XIRP2: variants seen among roughly 807,000 people sequenced by gnomAD.
The protein encoded by XIRP2 is xin actin binding repeat containing 2.
In XIRP2, 236 loss-of-function variants were observed where a neutral mutation model predicts 277.0. The ratio of observed to expected loss-of-function variants is 0.85; its 90% CI spans 0.77 to 0.95. XIRP2 has a LOEUF of 0.95. Ranked by LOEUF, XIRP2 falls within the 40% of genes least tolerant of loss-of-function variation. The pLI is 0.00. For missense variants in XIRP2, 4,640 were observed against 4,157.5 expected (o/e 1.12, Z -3.19); for synonymous variants, 1,490 against 1,416.5 (o/e 1.05, Z -1.17).
intron 2 of XIRP2, among the ~76,000 whole-genome samples, chr2:166,937,301 C>T (rs895628324): frequency 2.6e-5 from 4 of 152,066 alleles, no homozygotes; most frequent in African/African-American, 9.7e-5. Context: ...GCATGAAGGG[C>T]TACTGAATTT....
At chr2:167,189,033 G>A (rs937347563) in intron 3 of XIRP2, among the ~76,000 whole-genome samples, 5 of 152,264 alleles carry the variant, frequency 3.3e-5, no homozygotes, top group South Asian at 2.1e-4. Flanking sequence ...AGCCCACAAG[G>A]TTCATTGATA....
chr2:167,036,176 T>C (rs750229359), intron 2 of XIRP2, among the ~76,000 whole-genome samples: 2 of 152,182 alleles, frequency 1.3e-5, no homozygotes, highest in Non-Finnish European at 1.5e-5. Context: ...ACAGAGTCCC[T>C]ACTGAGGCAC....
chr2:166,977,936 C>G (rs1686759103), intron 2 of XIRP2, among the ~76,000 whole-genome samples: 1 of 152,114 alleles, frequency 6.6e-6, no homozygotes, highest in Non-Finnish European at 1.5e-5. Context: ...TTCTCTATGT[C>G]TAAGTCATAA....
chr2:167,226,903 C>G (rs762047762), intron 5 of XIRP2, among the ~76,000 whole-genome samples: 2 of 152,156 alleles, frequency 1.3e-5, no homozygotes, highest in Non-Finnish European at 2.9e-5. Context: ...GGCATGGAAT[C>G]CCAGTGGGAA....
At chr2:167,206,518 C>T (rs753729128) in intron 3 of XIRP2, among the ~76,000 whole-genome samples, 2 of 152,154 alleles carry the variant, frequency 1.3e-5, no homozygotes, top group East Asian at 1.9e-4. Flanking sequence ...GATTTAATAT[C>T]GGCCAAGTCT....
rs567643475 is a variant in XIRP2 at position 166,957,497 on chromosome 2, A to C, written c.408+53607A>C. On this transcript the variant is annotated intron_variant, in intron 2 of 10. Coordinates refer to ENST00000409195, the MANE Select transcript of XIRP2 (RefSeq NM_152381.6). Reference sequence around the variant, plus strand: ...AATAAATGGACTAACATAAGGGCTTAATACCAATAATTATCTCTATTTTTT... The same window carrying C: ...AATAAATGGACTAACATAAGGGCTTCATACCAATAATTATCTCTATTTTTT... Among the ~76,000 whole-genome samples, 17 of 151,968 alleles carry C rather than the reference A, an allele frequency of 1.1e-4. No individual in the cohort carries two copies. In the South Asian group the frequency reaches 2.5e-3, roughly 22 times the overall value.
chr2:167,178,894 A>G (rs1389460290), intron 3 of XIRP2, among the ~76,000 whole-genome samples: 1 of 152,210 alleles, frequency 6.6e-6, no homozygotes, highest in Non-Finnish European at 1.5e-5. Context: ...AGAGTTGTTC[A>G]ATAAACATTT....
At chr2:167,062,210 T>C (rs1474837598) in intron 2 of XIRP2, among the ~76,000 whole-genome samples, 1 of 152,204 alleles carries the variant, frequency 6.6e-6, no homozygotes, top group African/African-American at 2.4e-5. Flanking sequence ...TGAACAACGA[T>C]AGCTGGATAG....
At chr2:167,153,553 C>T (rs1047525316) in intron 3 of XIRP2, among the ~76,000 whole-genome samples, 2 of 151,748 alleles carry the variant, frequency 1.3e-5, no homozygotes, top group Non-Finnish European at 2.9e-5. Flanking sequence ...AGCTATCCCT[C>T]CCCACTCCCC....
At chr2:167,241,546 G>C (rs180786231) in intron 7 of XIRP2, among the ~76,000 whole-genome samples, 272 of 152,142 alleles carry the variant, frequency 1.8e-3, no homozygotes, top group African/African-American at 6.1e-3. Flanking sequence ...TACACTGTGA[G>C]AAGTTTCCCA....
chr2:167,147,634 G>A (rs1216687919), intron 3 of XIRP2, among the ~76,000 whole-genome samples: 1 of 152,208 alleles, frequency 6.6e-6, no homozygotes, highest in Non-Finnish European at 1.5e-5. Context: ...CATTGTTGGT[G>A]AGAGAATTAA....
At chr2:166,908,837 C>G (rs1025093049) in intron 2 of XIRP2, among the ~76,000 whole-genome samples, 2 of 152,088 alleles carry the variant, frequency 1.3e-5, no homozygotes, top group African/African-American at 4.8e-5. Flanking sequence ...CTACATATGA[C>G]TGGCTAGTTT....
chr2:167,190,209 G>A (rs1465874185), intron 3 of XIRP2, among the ~76,000 whole-genome samples: 7 of 152,040 alleles, frequency 4.6e-5, no homozygotes, highest in East Asian at 3.9e-4. Flanking sequence ...TTGTTATGGC[G>A]GCTTCATTAC....
Position 166,980,638 on chromosome 2 carries a change from G to A in XIRP2, c.408+76748G>A, listed in dbSNP as rs530200097. Among the ~76,000 whole-genome samples, 23 of 152,082 alleles carry A rather than the reference G, an allele frequency of 1.5e-4. No homozygotes were observed. The South Asian group carries it at 4.4e-3, about 29-fold the overall frequency. ...TCACCATGTTGGCCAGGCTGGTCTC[G>A]AGCTCCTGACCTCAGGTTATCCACC... On this transcript the variant is annotated intron_variant, in intron 2 of 10. Transcript: ENST00000409195.
rs549360449 is a variant in XIRP2 at position 167,155,737 on chromosome 2, G to T, written c.562+19675G>T. 4.6e-4 allele frequency among the ~76,000 whole-genome samples: 70 copies of T among 151,712 alleles called. No homozygotes were observed. In the South Asian group the frequency reaches 4.6e-3, roughly 10 times the overall value. On this transcript the variant is annotated intron_variant, in intron 3 of 10. Transcript: ENST00000409195. ...CTCCTATTCAACATAGTGTTGGAAG[G>T]TCTGGCCAGGGCAATTAGGCAGGAG...
chr2:167,150,943 A>G (rs1691998057), intron 3 of XIRP2, among the ~76,000 whole-genome samples: 2 of 152,016 alleles, frequency 1.3e-5, no homozygotes, highest in Non-Finnish European at 2.9e-5. Context: ...ATTTCTTTTT[A>G]ATTTAGTGGA....
intron 2 of XIRP2, among the ~76,000 whole-genome samples, chr2:166,953,699 G>C (rs1686093729): frequency 6.6e-6 from 1 of 151,858 alleles, no homozygotes; most frequent in Non-Finnish European, 1.5e-5. Flanking sequence ...AGGCTCTGAG[G>C]ATGAGCTACT....
chr2:167,043,065 AC>A (rs1315540864), intron 2 of XIRP2, among the ~76,000 whole-genome samples: 1 of 152,148 alleles, frequency 6.6e-6, no homozygotes, highest in Non-Finnish European at 1.5e-5. Context: ...AAGTTAAACA[AC>A]CTGCTTCTGA....
Position 167,193,179 on chromosome 2 carries a change from CTA to C in XIRP2, c.563-17553_563-17552del, listed in dbSNP as rs371116885. On this transcript the variant is annotated intron_variant, in intron 3 of 10. Transcript: ENST00000409195. ...TGGTTTCTCAAAAGATCTAGTTCAG[CTA>C]TAGCAGTTGTCAACTCTAAATTACT... Among the ~76,000 whole-genome samples, 735 of 152,286 alleles carry C rather than the reference CTA, an allele frequency of 4.8e-3. 5 individuals are homozygous for C. Among genetic ancestry groups the C allele is most frequent in the African/African-American group, 0.017 (703 of 41,562 alleles).
Sources: allele counts gnomAD v4.1 joint callset (sites outside exome capture counted in the v4.1 genomes callset), GRCh38; gene constraint gnomAD v4.1.1; transcripts MANE v1.5; gene names NCBI Gene and HGNC (gene_info 2026-07-23, HGNC 2026-07-21).